The following ANHX variants were observed in gnomAD, a reference collection of about 807,000 sequenced individuals.
ANHX encodes the protein anomalous homeobox protein.
ANHX carries 20 observed loss-of-function variants against 38.9 expected under a neutral mutation model. The observed-to-expected ratio is 0.51, with a 90% CI of 0.36 to 0.75. The LOEUF (loss-of-function observed/expected upper bound fraction) is 0.75. ANHX is among the 30% of genes least tolerant of loss of function. The pLI, the probability that ANHX is intolerant of heterozygous loss-of-function variation, is 0.00. For synonymous variants in ANHX, 185 were observed against 203.1 expected, an observed-to-expected ratio of 0.91 and a Z score of 0.76; for missense variants, 475 against 493.1, an observed-to-expected ratio of 0.96 and a Z score of 0.35.
In ANHX at chr12:133,231,545, G is replaced by C; in HGVS notation, c.349C>G (p.Pro117Ala). 6.5e-7 allele frequency: 1 copy of C among 1,536,118 alleles called. No individual in the cohort carries two copies. The highest frequency in any genetic ancestry group is 8.7e-7 in the Non-Finnish European group (1 of 1,146,898). The stretch of plus-strand genomic sequence containing the variant: ...TTCCTGCAGCGGAACTTCTGCACCG[G>C]GGTGAGCGCAGCCACGCCCAGCCTC... Reference protein sequence around the residue: ...MRRLGVAALTPVQKFRCRKRN... With the variant: ...MRRLGVAALTAVQKFRCRKRN... The change falls in exon 3 of 10, where the codon CCG becomes GCG. Residue 117 changes from proline (P) to alanine (A), a missense_variant. By Grantham distance (27) the Pro-to-Ala change is conservative (BLOSUM62 -1). Coordinates refer to ENST00000545940, the MANE Select transcript of ANHX (RefSeq NM_001372060.1).
At position 133,221,879 on chromosome 12, in the gene ANHX, G is replaced by T. The variant is rs538189571; in HGVS notation, c.1133-527C>A. Among the ~76,000 whole-genome samples, 1 of 152,178 alleles carries T rather than the reference G, an allele frequency of 6.6e-6. No individual in the cohort carries two copies. Among genetic ancestry groups the T allele is most frequent in the Non-Finnish European group, 1.5e-5 (1 of 68,038 alleles). On this transcript the variant is annotated intron_variant, in intron 7 of 9. Transcript: ENST00000545940. This position sits in a 1 kb window ranked among gnomAD's most constrained non-coding sequence, Gnocchi z 4.1. ...TCTCACTCTTAGACAAGCTACTGTG[G>T]TTTTGGTCAATTCTGGGTGGACATT... is the stretch of plus-strand genomic sequence containing the variant.
At chr12:133,231,495 C>A in intron 3 of ANHX, 22 bp downstream of exon 3, 3 of 1,535,982 alleles carry the variant, frequency 2.0e-6, no homozygotes, top group South Asian at 1.2e-5. Flanking sequence ...GAAATATGCA[C>A]AAGTAAATGC....
intron 7 of ANHX, among the ~76,000 whole-genome samples, chr12:133,224,389 T>C (rs544253181): frequency 7.0e-4 from 107 of 152,298 alleles, no homozygotes; most frequent in Non-Finnish European, 1.3e-3. Context: ...TGGCTGGGCA[T>C]GGTGGCTCAC....
Position 133,221,944 on chromosome 12 carries a change from C to T in ANHX, c.1133-592G>A, listed in dbSNP as rs2135550485. Among the ~76,000 whole-genome samples the T allele has an allele frequency of 6.6e-6, 1 of 152,104 alleles. No homozygotes were observed. Among genetic ancestry groups the T allele is most frequent in the South Asian group, 2.1e-4 (1 of 4,816 alleles). ...CCTGAAAAGGCAGGTTTTTTCCTGCCCTGAGTCTACTAGGCTGTAAAACAA... is the reference window on the plus strand; with the variant it reads ...CCTGAAAAGGCAGGTTTTTTCCTGCTCTGAGTCTACTAGGCTGTAAAACAA... On this transcript the variant is annotated intron_variant, in intron 7 of 9. Coordinates refer to ENST00000545940, the MANE Select transcript of ANHX (RefSeq NM_001372060.1). This position sits in a 1 kb window ranked among gnomAD's most constrained non-coding sequence, Gnocchi z 4.1.
intron 5 of ANHX, 150 bp downstream of exon 5, chr12:133,226,786 G>T: frequency 1.2e-6 from 1 of 829,148 alleles, no homozygotes; most frequent in Non-Finnish European, 1.8e-6. Flanking sequence ...TCAGACCTCG[G>T]ACCCTGTGAT....
intron 2 of ANHX, among the ~76,000 whole-genome samples, chr12:133,233,148 G>A (rs534538202): frequency 6.6e-6 from 1 of 152,354 alleles, no homozygotes; most frequent in East Asian, 1.9e-4. Flanking sequence ...GGAACGGCAA[G>A]GAGACTGGTG....
At chr12:133,233,254 T>C (rs567686701) in intron 2 of ANHX, among the ~76,000 whole-genome samples, 2 of 152,208 alleles carry the variant, frequency 1.3e-5, no homozygotes, top group East Asian at 1.9e-4. Flanking sequence ...GGGCACACTG[T>C]GATACCATTT....
intron 3 of ANHX, among the ~76,000 whole-genome samples, chr12:133,228,265 A>G (rs938246124): frequency 1.5e-4 from 23 of 151,958 alleles, no homozygotes; most frequent in African/African-American, 4.3e-4. Flanking sequence ...AGACATCCTC[A>G]TCCATGGAGG....
Position 133,231,643 on chromosome 12 carries a change from C to T in ANHX, c.251G>A (p.Gly84Glu). 1 of 1,535,986 alleles carries T rather than the reference C, an allele frequency of 6.5e-7. No individual in the cohort carries two copies. The stretch of plus-strand genomic sequence containing the variant: ...CTGGCTGCCTCCCGGCACCTGGCAC[C>T]CCTGCCAAGAAGAGTGTACTGAGCC... Reference protein sequence around the residue: ...QQQAACRLLEGCQVPGGSQEL... With the variant: ...QQQAACRLLEECQVPGGSQEL... Residue 84 changes from glycine to glutamate, a missense_variant and splice_region_variant, in exon 3 of 10, where the codon GGG becomes GAG. Physicochemically the swap from Gly to Glu is moderately conservative, Grantham distance 98. Transcript: ENST00000545940.
At position 133,218,906 on chromosome 12, in the gene ANHX, A is replaced by G. The variant is rs752572434; in HGVS notation, c.1431T>C (p.Phe477=). The G allele has an allele frequency of 3.9e-6, 6 of 1,530,784 alleles. No individual in the cohort carries two copies. The South Asian group carries it at 7.2e-5, about 18-fold the overall frequency. 94.8% of individuals were successfully genotyped at this position (1,530,784 alleles called of 1,614,324 possible). Residue 477 remains phenylalanine, a synonymous_variant, in exon 10 of 10, where the codon TTT becomes TTC. Coordinates refer to ENST00000545940, the MANE Select transcript of ANHX (RefSeq NM_001372060.1). The part of the protein sequence containing the change: ...AFWGARMLLE[F]SGSSLG The stretch of plus-strand genomic sequence containing the variant: ...TAGCTCAGCCCAGGCTGCTCCCTGA[A>G]AACTCAAGGAGCATCCTGGCTCCCC...
chr12:133,224,921 C>T (rs565120073), intron 7 of ANHX, among the ~76,000 whole-genome samples: 8 of 143,686 alleles, frequency 5.6e-5, no homozygotes, highest in Admixed American at 2.1e-4. Context: ...GAGCCGAGAT[C>T]ACGCCACTGC....
intron 7 of ANHX, among the ~76,000 whole-genome samples, chr12:133,224,864 G>A (rs1198994377): frequency 1.3e-5 from 2 of 151,244 alleles, no homozygotes; most frequent in South Asian, 2.1e-4. Flanking sequence ...CTACTCGGGA[G>A]GCTGAGGCAG....
rs1297358919 is a variant in ANHX at position 133,218,492 on chromosome 12, C to A, written c.*393G>T. ...CAGAAATCTCAGAACACTCCTCATA[C>A]CTCACTCAGTTAACTTGGTGGAAAA... On this transcript the variant is annotated 3_prime_UTR_variant, in exon 10 of 10. Transcript: ENST00000545940. The A allele has an allele frequency of 1.2e-5, 2 of 163,290 alleles. No individual in the cohort carries two copies. Among genetic ancestry groups the A allele is most frequent in the African/African-American group, 4.8e-5 (2 of 41,778 alleles). The allele number at this position is 163,290 out of a possible 1,614,324, so 10.1% of individuals were successfully genotyped here. A position where few individuals can be genotyped will look rare whatever the true frequency, so the allele number is the denominator to read the frequency against.
chr12:133,219,932 C>T (rs145201836), intron 8 of ANHX, among the ~76,000 whole-genome samples: 118,010 of 152,140 alleles, frequency 0.78, 46,585 homozygotes, highest in African/African-American at 0.92. Flanking sequence ...GAACTGTTCA[C>T]GCATCCAAAA....
At chr12:133,233,349 G>C (rs1176091943) in intron 2 of ANHX, among the ~76,000 whole-genome samples, 4 of 152,314 alleles carry the variant, frequency 2.6e-5, no homozygotes, top group South Asian at 2.1e-4. Context: ...GGGGTTGGAA[G>C]GAACCGAGTA....
intron 3 of ANHX, among the ~76,000 whole-genome samples, chr12:133,229,822 G>A (rs901965004): frequency 3.3e-5 from 5 of 152,150 alleles, no homozygotes; most frequent in South Asian, 2.1e-4. Flanking sequence ...CAGGGTGAGC[G>A]AATCCATTCC....
At chr12:133,223,199 T>C (rs566571010) in intron 7 of ANHX, among the ~76,000 whole-genome samples, 2 of 137,844 alleles carry the variant, frequency 1.5e-5, no homozygotes, top group Non-Finnish European at 3.0e-5. Flanking sequence ...CAAAAAAAAA[T>C]ATATATATAT....
intron 1 of ANHX, chr12:133,235,108 C>T (rs572483296): frequency 6.6e-6 from 1 of 152,394 alleles, no homozygotes; most frequent in Non-Finnish European, 1.5e-5. Context: ...GCGACCTCGT[C>T]TACTCCACCC....
At chr12:133,230,690 G>A (rs1201716349) in intron 3 of ANHX, among the ~76,000 whole-genome samples, 1 of 152,184 alleles carries the variant, frequency 6.6e-6, no homozygotes, top group African/African-American at 2.4e-5. Flanking sequence ...TTGAGCCCGG[G>A]AAGTTGAGGC....
Sources: gnomAD v4.1 joint callset for allele counts (sites outside exome capture counted in the v4.1 genomes callset) on GRCh38, gnomAD v4.1.1 for gene constraint, Gnocchi (gnomAD v3.1) non-coding constraint, MANE v1.5 for transcripts, NCBI Gene and HGNC (gene_info 2026-07-23, HGNC 2026-07-21) for gene names.